Variants in IGSF11 observed in about 807,000 individuals in gnomAD.
IGSF11 encodes immunoglobulin superfamily member 11, also known as CXADR like 1.
A neutral mutation model predicts 41.0 loss-of-function variants in IGSF11; 22 were observed. The ratio of observed to expected loss-of-function variants is 0.54; its 90% CI spans 0.38 to 0.77. IGSF11 has a LOEUF of 0.77. IGSF11 is among the 30% of genes least tolerant of loss of function. IGSF11 has a pLI of 0.00. For synonymous variants in IGSF11, 219 were observed against 201.3 expected, an observed-to-expected ratio of 1.09 and a Z score of -0.74; for missense variants, 444 against 530.8, an observed-to-expected ratio of 0.84 and a Z score of 1.61.
intron 1 of IGSF11, among the ~76,000 whole-genome samples, chr3:118,942,667 C>T (rs1409700621): frequency 6.6e-6 from 1 of 152,228 alleles, no homozygotes. Context: ...ATGCTGACTA[C>T]AGCAAGCAAC....
intron 4 of IGSF11, among the ~76,000 whole-genome samples, chr3:118,907,262 G>C (rs1196004743): frequency 6.6e-6 from 1 of 152,196 alleles, no homozygotes; most frequent in African/African-American, 2.4e-5. Flanking sequence ...GCAGATCTGA[G>C]TAAAGTGTGC....
At chr3:118,990,810 A>AT (rs56314531) in intron 1 of IGSF11, among the ~76,000 whole-genome samples, 48,078 of 151,966 alleles carry the variant, frequency 0.32, 8,770 homozygotes, top group African/African-American at 0.49. Flanking sequence ...ACCAAGACTC[A>AT]TTTTTTCAAC....
chr3:118,955,233 C>A (rs1461570127), intron 1 of IGSF11, among the ~76,000 whole-genome samples: 1 of 150,952 alleles, frequency 6.6e-6, no homozygotes, highest in East Asian at 1.9e-4. Context: ...CACACACACA[C>A]ACACACACAC....
chr3:118,977,506 TG>T (rs1216545330), intron 1 of IGSF11, among the ~76,000 whole-genome samples: 1 of 152,112 alleles, frequency 6.6e-6, no homozygotes, highest in South Asian at 2.1e-4. Context: ...AACAAAATAG[TG>T]AGGAGAAAAA....
chr3:118,963,786 A>G (rs986212999), intron 1 of IGSF11, among the ~76,000 whole-genome samples: 2 of 152,176 alleles, frequency 1.3e-5, no homozygotes, highest in Admixed American at 6.5e-5. Context: ...ATATAGAGAG[A>G]CAGAGAATCA....
intron 1 of IGSF11, among the ~76,000 whole-genome samples, chr3:118,934,947 A>C (rs1049506210): frequency 3.3e-5 from 5 of 151,836 alleles, no homozygotes; most frequent in Admixed American, 2.0e-4. Flanking sequence ...TTAGTAACCT[A>C]CTCATAAACC....
At chr3:119,086,615 C>T (rs1157831097) in intron 1 of IGSF11, among the ~76,000 whole-genome samples, 1 of 152,204 alleles carries the variant, frequency 6.6e-6, no homozygotes, top group Non-Finnish European at 1.5e-5. Context: ...CTATTTTCAG[C>T]ACTCTTAAAG....
chr3:119,050,113 C>A (rs1215828603), intron 1 of IGSF11, among the ~76,000 whole-genome samples: 3 of 149,678 alleles, frequency 2.0e-5, no homozygotes, highest in African/African-American at 4.9e-5. Flanking sequence ...TCTAAAACAC[C>A]AAAAGCAATG....
chr3:119,001,570 A>C (rs1468897892), intron 1 of IGSF11, among the ~76,000 whole-genome samples: 17 of 134,962 alleles, frequency 1.3e-4, no homozygotes, highest in African/African-American at 4.2e-4. Context: ...CGCTGCACCC[A>C]CTAACTCGTC....
At chr3:118,953,459 T>C (rs1944728156) in intron 1 of IGSF11, among the ~76,000 whole-genome samples, 1 of 152,176 alleles carries the variant, frequency 6.6e-6, no homozygotes, top group Non-Finnish European at 1.5e-5. Context: ...TTATTAATAG[T>C]TATTTAAGGA....
chr3:119,046,360 G>A (rs1034529157), intron 1 of IGSF11, among the ~76,000 whole-genome samples: 1 of 152,104 alleles, frequency 6.6e-6, no homozygotes. Flanking sequence ...GAAGCCTCAG[G>A]AGCTGATGCA....
At position 118,900,863 on chromosome 3, in the gene IGSF11, T is replaced by C. The variant is rs1938766506; in HGVS notation, c.*1657A>G. 6.6e-6 allele frequency: 1 copy of C among 152,598 alleles called. No homozygotes were observed. The highest frequency in any genetic ancestry group is 1.5e-5 in the Non-Finnish European group (1 of 68,034). 9.5% of individuals were successfully genotyped at this position (152,598 alleles called of 1,614,324 possible). On this transcript the variant is annotated 3_prime_UTR_variant, in exon 7 of 7. Coordinates refer to ENST00000393775, the MANE Select transcript of IGSF11 (RefSeq NM_001015887.3). ...AGTAAATTCAGCTTTTTATCAATAC[T>C]GAAATGGTTGGCAATGGTTAGGTTC... is the stretch of plus-strand genomic sequence containing the variant.
chr3:119,053,397 T>A (rs1576736746), intron 1 of IGSF11, among the ~76,000 whole-genome samples: 1 of 151,974 alleles, frequency 6.6e-6, no homozygotes, highest in Non-Finnish European at 1.5e-5. Flanking sequence ...AATCAAGAAC[T>A]CAACCCCTTT....
intron 1 of IGSF11, among the ~76,000 whole-genome samples, chr3:118,979,454 T>C (rs1934477332): frequency 6.6e-6 from 1 of 152,164 alleles, no homozygotes; most frequent in Admixed American, 6.5e-5. Context: ...CGTTAATACA[T>C]GGTGCTGGAA....
intron 1 of IGSF11, among the ~76,000 whole-genome samples, chr3:119,091,760 C>G (rs1350568830): frequency 6.6e-6 from 1 of 152,014 alleles, no homozygotes; most frequent in Non-Finnish European, 1.5e-5. Context: ...GTGCTCATTA[C>G]CTGGGTGATA....
intron 1 of IGSF11, among the ~76,000 whole-genome samples, chr3:119,115,066 T>C (rs535300913): frequency 3.3e-5 from 5 of 152,320 alleles, no homozygotes; most frequent in South Asian, 2.1e-4. Context: ...CCCATCCCCA[T>C]GGTTCAATCA....
intron 1 of IGSF11, among the ~76,000 whole-genome samples, chr3:119,008,250 T>C (rs921321069): frequency 1.8e-4 from 27 of 152,140 alleles, no homozygotes; most frequent in African/African-American, 6.0e-4. Context: ...TTGTCTAAAA[T>C]AGAAGTCAAC....
At chr3:119,070,681 A>AT (rs1052328334) in intron 1 of IGSF11, among the ~76,000 whole-genome samples, 34 of 151,776 alleles carry the variant, frequency 2.2e-4, no homozygotes, top group Non-Finnish European at 4.3e-4. Flanking sequence ...GGGGTTTTGA[A>AT]TTTTTTTTCC....
At chr3:119,056,298 C>T (rs1456037925) in intron 1 of IGSF11, among the ~76,000 whole-genome samples, 4 of 152,200 alleles carry the variant, frequency 2.6e-5, no homozygotes, top group South Asian at 2.1e-4. Context: ...ATATCACCAT[C>T]GATTACACAG....
Sources: allele counts gnomAD v4.1 joint callset (sites outside exome capture counted in the v4.1 genomes callset), GRCh38; gene constraint gnomAD v4.1.1; transcripts MANE v1.5; gene names NCBI Gene and HGNC (gene_info 2026-07-23, HGNC 2026-07-21).